UBA2: variants seen among roughly 807,000 people sequenced by gnomAD.
UBA2 encodes the protein ubiquitin like modifier activating enzyme 2.
A neutral mutation model predicts 77.2 loss-of-function variants in UBA2; 11 were observed. The ratio of observed to expected loss-of-function variants is 0.14; its 90% CI spans 0.09 to 0.24. The LOEUF (loss-of-function observed/expected upper bound fraction) is 0.24. UBA2 is among the 10% of genes least tolerant of loss of function. The probability of loss-of-function intolerance (pLI) is 1.00; values close to 1 mark genes in which losing one functional copy is unlikely to be tolerated. For missense variants in UBA2, 487 were observed against 781.7 expected (o/e 0.62, Z 4.50); for synonymous variants, 278 against 276.7 (o/e 1.00, Z -0.05).
chr19:34,436,107 A>C (rs1368477920), intron 5 of UBA2, among the ~76,000 whole-genome samples: 2 of 112,826 alleles, frequency 1.8e-5, no homozygotes, highest in Non-Finnish European at 3.9e-5. Context: ...GCAACGAGCG[A>C]AACTCTGTCT....
chr19:34,440,429 C>G (rs534469393), intron 6 of UBA2, among the ~76,000 whole-genome samples: 159 of 152,124 alleles, frequency 1.0e-3, no homozygotes, highest in Non-Finnish European at 2.0e-3. Flanking sequence ...TTTACAGATT[C>G]ATTTCACAAA....
chr19:34,446,815 C>T (rs1287049575), intron 8 of UBA2, among the ~76,000 whole-genome samples: 1 of 152,004 alleles, frequency 6.6e-6, no homozygotes, highest in Non-Finnish European at 1.5e-5. Context: ...CCATATTGGC[C>T]AGGCTGGTCT....
At chr19:34,460,419 A>G (rs2075617964) in intron 13 of UBA2, 51 bp from the exon 14 acceptor site, 2 of 1,201,522 alleles carry the variant, frequency 1.7e-6, no homozygotes, top group African/African-American at 3.1e-5. Flanking sequence ...ATTTCTTATG[A>G]TCTTTAATTA....
intron 16 of UBA2, 90 bp downstream of exon 16, chr19:34,467,104 A>G (rs895957918): frequency 4.1e-6 from 6 of 1,454,202 alleles, no homozygotes; most frequent in South Asian, 1.2e-5. Context: ...CCATAAATCC[A>G]TAAAACTACT....
At chr19:34,433,468 TTTG>T in intron 4 of UBA2, 56 bp downstream of exon 4, 1 of 1,183,892 alleles carries the variant, frequency 8.4e-7, no homozygotes, top group Non-Finnish European at 1.2e-6. Context: ...CCATATCAAA[TTTG>T]TTTACAAATT....
At position 34,454,438 on chromosome 19, in the gene UBA2, TCCCAGC is replaced by T; in HGVS notation, c.1133-5_1133del. The T allele has an allele frequency of 6.4e-7, 1 of 1,561,120 alleles. No homozygotes were observed. The highest frequency in any genetic ancestry group is 1.9e-5 in the Admixed American group (1 of 52,800). ...AAACATACTCATCCTTTTTTTTTTT[TCCCAGC>T]AATGGCAGGGAACATTATTCCTGCT... On this transcript the variant is annotated splice_acceptor_variant and splice_polypyrimidine_tract_variant and coding_sequence_variant and intron_variant, in exon 12 of 17. Transcript: ENST00000246548. LOFTEE classifies it high-confidence loss of function.
chr19:34,437,909 G>A lies in UBA2; in HGVS notation c.460-736G>A, dbSNP rs534388240. ...GTCTCTACTAAAAATATGAAAATTAGCTGGGAGTGGTGGGAGATGCCTGTA... is the reference window on the plus strand; with the variant it reads ...GTCTCTACTAAAAATATGAAAATTAACTGGGAGTGGTGGGAGATGCCTGTA... On this transcript the variant is annotated intron_variant, in intron 5 of 16. Coordinates refer to ENST00000246548, the MANE Select transcript of UBA2 (RefSeq NM_005499.3). Among the ~76,000 whole-genome samples, 13 of 152,186 alleles carry A rather than the reference G, an allele frequency of 8.5e-5. No homozygotes were observed. In the South Asian group the frequency reaches 2.7e-3, roughly 32 times the overall value.
chr19:34,442,919 G>T (rs1021587894), intron 6 of UBA2, among the ~76,000 whole-genome samples: 1 of 152,154 alleles, frequency 6.6e-6, no homozygotes, highest in African/African-American at 2.4e-5. Flanking sequence ...TGGGTGGGGG[G>T]TTGTACAAAG....
rs1245485807 is a variant in UBA2 at position 34,430,677 on chromosome 19, A to G, written c.222+18A>G. On this transcript the variant is annotated intron_variant, in intron 2 of 16. Transcript: ENST00000246548. ...AGGCACAGGTAACTATATTTCTCAT[A>G]CCATTTCTATAACTTGATGGAGCTT... The G allele has an allele frequency of 6.9e-6, 11 of 1,587,450 alleles. No individual in the cohort carries two copies. Among genetic ancestry groups the G allele is most frequent in the African/African-American group, 1.3e-5 (1 of 74,464 alleles).
Position 34,439,499 on chromosome 19 carries a change from A to G in UBA2, c.581+733A>G, listed in dbSNP as rs572468377. ...TTACTAAATCTTTACTAAGAATCCAATTTAAGTTAGAAAATGAACCACAGA... is the reference window on the plus strand; with the variant it reads ...TTACTAAATCTTTACTAAGAATCCAGTTTAAGTTAGAAAATGAACCACAGA... On this transcript the variant is annotated intron_variant, in intron 6 of 16. Transcript: ENST00000246548. Among the ~76,000 whole-genome samples the G allele has an allele frequency of 1.3e-4, 20 of 152,298 alleles. No homozygotes were observed. In the South Asian group the frequency reaches 3.7e-3, roughly 28 times the overall value.
chr19:34,451,618 G>T (rs1264751137), intron 9 of UBA2, among the ~76,000 whole-genome samples: 3 of 136,654 alleles, frequency 2.2e-5, no homozygotes, highest in Non-Finnish European at 3.0e-5. Flanking sequence ...CGCGATCTTG[G>T]CTCACTGCAA....
rs938304646 is a variant in UBA2, at chr19:34,469,823, C to G, written c.*602C>G. ...GTTACAGTTTCAGGTTATTTATATTCGATGTTTTGTAAAACTCAAATAACG... is the reference window on the plus strand; with the variant it reads ...GTTACAGTTTCAGGTTATTTATATTGGATGTTTTGTAAAACTCAAATAACG... On this transcript the variant is annotated 3_prime_UTR_variant, in exon 17 of 17. Transcript: ENST00000246548. 7 of 152,454 alleles carry G rather than the reference C, an allele frequency of 4.6e-5. No individual in the cohort carries two copies. Among genetic ancestry groups the G allele is most frequent in the African/African-American group, 1.7e-4 (7 of 41,380 alleles). The allele number at this position is 152,454 out of a possible 1,614,324, so 9.4% of individuals were successfully genotyped here.
intron 14 of UBA2, among the ~76,000 whole-genome samples, chr19:34,463,710 A>G (rs118096029): frequency 0.015 from 2,225 of 152,174 alleles, 24 homozygotes; most frequent in South Asian, 0.025. Context: ...TCAGGAATCA[A>G]TCCTTCCCTG....
intron 4 of UBA2, among the ~76,000 whole-genome samples, chr19:34,434,137 TGGG>T (rs545579638): frequency 6.6e-5 from 10 of 152,176 alleles, no homozygotes; most frequent in African/African-American, 2.4e-4. Flanking sequence ...TTTTAAGGCT[TGGG>T]GGGTCTCACT....
chr19:34,468,898 G>A (rs997715943), intron 16 of UBA2, 142 bp from the exon 17 acceptor site: 11 of 595,472 alleles, frequency 1.8e-5, no homozygotes, highest in Admixed American at 1.2e-4. Context: ...ATGGAAATAC[G>A]TAATGTGTAA....
At chr19:34,430,376 T>C (rs1012426101) in intron 1 of UBA2, among the ~76,000 whole-genome samples, 200 bp from the exon 2 acceptor site, 4 of 152,342 alleles carry the variant, frequency 2.6e-5, no homozygotes, top group Non-Finnish European at 5.9e-5. Flanking sequence ...GAGAAGTTTA[T>C]CTCTGACATT....
rs1379540319 is a variant in UBA2, at chr19:34,452,038, A to G, written c.929A>G (p.Gln310Arg). ...QNEPQLGLKD[Q>R]QVLDVKSYAR... ...GAACCCCAGTTAGGCCTGAAAGACC[A>G]GCAGGTTCTAGATGTAAAGAGCTAT... The change falls in exon 10 of 17, where the codon CAG (glutamine) becomes CGG (arginine). Residue 310 changes from glutamine (Q) to arginine (R), a missense_variant. Transcript: ENST00000246548. 2 of 1,609,394 alleles carry G rather than the reference A, an allele frequency of 1.2e-6. No individual in the cohort carries two copies. The highest frequency in any genetic ancestry group is 1.7e-5 in the Admixed American group (1 of 59,882).
At chr19:34,435,529 T>TA (rs2075298951) in intron 5 of UBA2, among the ~76,000 whole-genome samples, 1 of 152,080 alleles carries the variant, frequency 6.6e-6, no homozygotes, top group South Asian at 2.1e-4. Context: ...ATACCAGGCA[T>TA]CAAAAATTTC....
Position 34,454,210 on chromosome 19 carries a change from A to G in UBA2, c.1039-50A>G, listed in dbSNP as rs544737499. On this transcript the variant is annotated intron_variant, in intron 10 of 16. Transcript: ENST00000246548. ...GTATTGTTCTGAAAGTAATGCTTCA[A>G]AATAGTCAATTTGTGGAGAAACTTG... The G allele has an allele frequency of 1.6e-5, 24 of 1,461,618 alleles. No individual in the cohort carries two copies. In the Admixed American group the frequency reaches 1.8e-4, roughly 11 times the overall value. 90.5% of individuals were successfully genotyped at this position (1,461,618 alleles called of 1,614,324 possible).
Sources: gnomAD v4.1 joint callset for allele counts (sites outside exome capture counted in the v4.1 genomes callset) on GRCh38, gnomAD v4.1.1 for gene constraint, MANE v1.5 for transcripts, NCBI Gene and HGNC (gene_info 2026-07-23, HGNC 2026-07-21) for gene names.